Variants in KCNIP4 observed in about 807,000 individuals in gnomAD.
The protein encoded by KCNIP4 is Kv channel-interacting protein 4.
Under a neutral mutation model 34.0 loss-of-function variants are expected in KCNIP4, and 12 were observed. The observed-to-expected ratio is 0.35, with a 90% CI of 0.23 to 0.57. KCNIP4 has a LOEUF of 0.57. KCNIP4 is among the 20% of genes least tolerant of loss of function. The probability of loss-of-function intolerance (pLI) is 0.83; values close to 1 mark genes in which losing one functional copy is unlikely to be tolerated. For synonymous variants in KCNIP4, 124 were observed against 102.2 expected (o/e 1.21, Z -1.29); for missense variants, 238 against 311.7 (o/e 0.76, Z 1.78).
chr4:20,730,119 A>ATGTT lies in KCNIP4; in HGVS notation c.712_715dup (p.Ile239LysfsTer10). ...TTCAAAGAGCTGCATGGAGCGCATT[A>ATGTT]TGTTTTCATCCTGTAAGGGAGAAAC... On this transcript the variant is annotated frameshift_variant, in exon 9 of 9. Transcript: ENST00000382152. LOFTEE classifies it high-confidence loss of function. The ATGTT allele has an allele frequency of 6.2e-7, 1 of 1,608,406 alleles. No homozygotes were observed. Among genetic ancestry groups the ATGTT allele is most frequent in the Non-Finnish European group, 8.5e-7 (1 of 1,178,090 alleles).
At chr4:21,426,973 G>A (rs1475912021) in intron 1 of KCNIP4, among the ~76,000 whole-genome samples, 3 of 150,064 alleles carry the variant, frequency 2.0e-5, no homozygotes, top group East Asian at 2.0e-4. Context: ...AACTTCACAC[G>A]GATCATGACT....
At chr4:20,800,053 G>T (rs956129854) in intron 3 of KCNIP4, among the ~76,000 whole-genome samples, 3 of 152,176 alleles carry the variant, frequency 2.0e-5, no homozygotes, top group African/African-American at 7.2e-5. Context: ...GCCCCACTGT[G>T]GGGGAAGATA....
intron 1 of KCNIP4, among the ~76,000 whole-genome samples, chr4:20,976,753 ACAC>A (rs1387034123): frequency 6.6e-6 from 1 of 152,154 alleles, no homozygotes; most frequent in East Asian, 1.9e-4. Flanking sequence ...ACATCAGAAA[ACAC>A]CACTGTGGAC....
chr4:21,365,981 TA>T (rs1471822026), intron 1 of KCNIP4, among the ~76,000 whole-genome samples: 1 of 152,224 alleles, frequency 6.6e-6, no homozygotes, highest in Non-Finnish European at 1.5e-5. Flanking sequence ...AATAAGTGAT[TA>T]ACTGGTGTGA....
intron 1 of KCNIP4, among the ~76,000 whole-genome samples, chr4:21,691,141 T>C (rs1184933523): frequency 2.0e-5 from 3 of 152,214 alleles, no homozygotes; most frequent in East Asian, 1.9e-4. Context: ...GAATATAAAA[T>C]AATCAATACT....
At chr4:21,271,193 C>T (rs77235539) in intron 1 of KCNIP4, among the ~76,000 whole-genome samples, 3,705 of 152,146 alleles carry the variant, frequency 0.024, 57 homozygotes, top group South Asian at 0.038. Flanking sequence ...TTTTAACACA[C>T]GAAATCTGAG....
intron 3 of KCNIP4, among the ~76,000 whole-genome samples, chr4:20,778,986 G>C (rs1206855194): frequency 6.6e-6 from 1 of 152,080 alleles, no homozygotes; most frequent in African/African-American, 2.4e-5. Context: ...TAGGAAAAGA[G>C]GAAGAGACAG....
intron 1 of KCNIP4, among the ~76,000 whole-genome samples, chr4:21,072,301 T>A (rs1033598464): frequency 2.6e-5 from 4 of 152,188 alleles, no homozygotes; most frequent in Admixed American, 2.6e-4. Context: ...CTCTCCAGCA[T>A]CTGTTGTTTC....
intron 1 of KCNIP4, among the ~76,000 whole-genome samples, chr4:21,819,025 C>T (rs1478778300): frequency 6.6e-6 from 1 of 152,202 alleles, no homozygotes; most frequent in Non-Finnish European, 1.5e-5. Flanking sequence ...CATGACCACA[C>T]TTTAAGCCAT....
chr4:21,931,736 C>T (rs1729578791), intron 1 of KCNIP4, among the ~76,000 whole-genome samples: 1 of 152,122 alleles, frequency 6.6e-6, no homozygotes, highest in Admixed American at 6.6e-5. Flanking sequence ...CCGCAATAAA[C>T]ATACGTGTGC....
chr4:20,735,760 C>G (rs749791331), intron 5 of KCNIP4, among the ~76,000 whole-genome samples: 4 of 152,110 alleles, frequency 2.6e-5, no homozygotes, highest in Non-Finnish European at 4.4e-5. Flanking sequence ...TGGTGTCGAA[C>G]TCCTGACCTT....
At chr4:21,196,481 T>G (rs1347874979) in intron 1 of KCNIP4, among the ~76,000 whole-genome samples, 1 of 152,210 alleles carries the variant, frequency 6.6e-6, no homozygotes, top group African/African-American at 2.4e-5. Context: ...CTTTACACCA[T>G]GCAGATGCCT....
chr4:21,263,527 T>G (rs1025684058), intron 1 of KCNIP4, among the ~76,000 whole-genome samples: 7 of 152,188 alleles, frequency 4.6e-5, no homozygotes, highest in African/African-American at 1.7e-4. Context: ...AATCCTAGAA[T>G]GTTATGACTT....
At chr4:21,518,998 C>T (rs1735021330) in intron 1 of KCNIP4, among the ~76,000 whole-genome samples, 2 of 152,096 alleles carry the variant, frequency 1.3e-5, no homozygotes, top group Non-Finnish European at 2.9e-5. Context: ...ACCATTATTA[C>T]ATCCATTTAT....
intron 1 of KCNIP4, among the ~76,000 whole-genome samples, chr4:21,344,695 C>T (rs961505735): frequency 7.2e-5 from 11 of 152,100 alleles, no homozygotes; most frequent in African/African-American, 2.2e-4. Flanking sequence ...ACAAAATCCC[C>T]GATATGTAGG....
chr4:21,239,341 A>C (rs910350782), intron 1 of KCNIP4, among the ~76,000 whole-genome samples: 1 of 151,110 alleles, frequency 6.6e-6, no homozygotes, highest in African/African-American at 2.4e-5. Context: ...TAAAACACCA[A>C]AAGCAATGGC....
intron 1 of KCNIP4, among the ~76,000 whole-genome samples, chr4:21,216,699 C>T (rs959392306): frequency 1.3e-5 from 2 of 152,076 alleles, no homozygotes; most frequent in African/African-American, 4.8e-5. Flanking sequence ...TATGGTTTCC[C>T]AGAGGAGTCA....
intron 1 of KCNIP4, among the ~76,000 whole-genome samples, chr4:21,351,559 G>A (rs954723459): frequency 4.6e-5 from 7 of 152,036 alleles, no homozygotes; most frequent in African/African-American, 1.7e-4. Context: ...AGCAGTGTGA[G>A]AACATACTAA....
intron 1 of KCNIP4, among the ~76,000 whole-genome samples, chr4:21,611,680 C>A (rs1744171119): frequency 6.6e-6 from 1 of 151,820 alleles, no homozygotes; most frequent in South Asian, 2.1e-4. Context: ...TTTTTCCTTT[C>A]ATCATGGCAA....
Sources: allele counts gnomAD v4.1 joint callset (sites outside exome capture counted in the v4.1 genomes callset), GRCh38; gene constraint gnomAD v4.1.1; transcripts MANE v1.5; gene names NCBI Gene and HGNC (gene_info 2026-07-23, HGNC 2026-07-21).